Variants in PLD5 observed in about 807,000 individuals in gnomAD.
PLD5 encodes the protein inactive phospholipase D5.
PLD5 carries 36 observed loss-of-function variants against 61.1 expected under a neutral mutation model. The ratio of observed to expected loss-of-function variants is 0.59; its 90% CI spans 0.45 to 0.78. The LOEUF is 0.78. PLD5 is among the 30% of genes least tolerant of loss of function. PLD5 has a pLI of 0.00. For missense variants in PLD5, 515 were observed against 644.4 expected (o/e 0.80, Z 2.17); for synonymous variants, 243 against 242.8 (o/e 1.00, Z -0.01).
At chr1:242,495,740 T>C (rs1192638402) in intron 1 of PLD5, among the ~76,000 whole-genome samples, 1 of 152,204 alleles carries the variant, frequency 6.6e-6, no homozygotes, top group Non-Finnish European at 1.5e-5. Context: ...TAAAAATCAA[T>C]ACCACCTCAT....
At chr1:242,526,080 A>G (rs189436920), upstream of PLD5, among the ~76,000 whole-genome samples, 1 of 152,286 alleles carries the variant, frequency 6.6e-6, no homozygotes, top group Admixed American at 6.5e-5. Context: ...CAGAAATTAC[A>G]CTTCAAAACA....
intron 1 of PLD5, among the ~76,000 whole-genome samples, chr1:242,497,770 A>T (rs1668418560): frequency 6.6e-6 from 1 of 152,230 alleles, no homozygotes; most frequent in South Asian, 2.1e-4. Flanking sequence ...GTGTCTCTTC[A>T]TTCAAGAATC....
At position 242,137,432 on chromosome 1, in the gene PLD5, T is replaced by C. The variant is rs373369050; in HGVS notation, c.736-12767A>G. 5.9e-5 allele frequency among the ~76,000 whole-genome samples: 9 copies of C among 152,344 alleles called. No individual in the cohort carries two copies. The East Asian group carries it at 1.7e-3, about 29-fold the overall frequency. ...CTTGGTAAATTCTTTTTTCCTCCCA[T>C]GCTACTAGCTCCAGATAGTCGCTAC... On this transcript the variant is annotated intron_variant, in intron 5 of 9. Transcript: ENST00000536534.
intron 2 of PLD5, among the ~76,000 whole-genome samples, chr1:242,321,909 AT>A: frequency 6.6e-6 from 1 of 152,242 alleles, no homozygotes; most frequent in Middle Eastern, 3.4e-3. Context: ...TTGTGTAGGG[AT>A]TCTCTTTTTT....
intron 1 of PLD5, among the ~76,000 whole-genome samples, chr1:242,360,215 A>T (rs1475498435): frequency 6.6e-6 from 1 of 152,172 alleles, no homozygotes; most frequent in Non-Finnish European, 1.5e-5. Flanking sequence ...CCGGGGCCCT[A>T]AAGTATCATC....
At chr1:242,383,800 A>G (rs1339497252) in intron 1 of PLD5, among the ~76,000 whole-genome samples, 1 of 152,182 alleles carries the variant, frequency 6.6e-6, no homozygotes, top group South Asian at 2.1e-4. Flanking sequence ...CCTTTCAAAC[A>G]CAGCTCTGGA....
chr1:242,173,087 T>G (rs1339328298), intron 5 of PLD5, among the ~76,000 whole-genome samples: 1 of 152,118 alleles, frequency 6.6e-6, no homozygotes, highest in Non-Finnish European at 1.5e-5. Context: ...TAAAGGGTAT[T>G]CAATTAGGAA....
chr1:242,454,491 A>C (rs1666887008), intron 1 of PLD5, among the ~76,000 whole-genome samples: 1 of 152,174 alleles, frequency 6.6e-6, no homozygotes, highest in Non-Finnish European at 1.5e-5. Context: ...GAAAAAAATG[A>C]GGTCAAGGCA....
chr1:242,380,696 C>T (rs942531618), intron 1 of PLD5, among the ~76,000 whole-genome samples: 18 of 147,280 alleles, frequency 1.2e-4, no homozygotes, highest in Admixed American at 1.1e-3. Flanking sequence ...CTTAAATTTG[C>T]AAGAAAGAAG....
At chr1:242,277,138 C>G (rs1207408789) in intron 3 of PLD5, among the ~76,000 whole-genome samples, 1 of 152,168 alleles carries the variant, frequency 6.6e-6, no homozygotes, top group South Asian at 2.1e-4. Context: ...TATCTTGGTA[C>G]TGCCTTTCAG....
intron 1 of PLD5, among the ~76,000 whole-genome samples, chr1:242,379,461 G>C (rs1401614738): frequency 6.6e-6 from 1 of 152,078 alleles, no homozygotes. Context: ...TAACATATCA[G>C]ATCTAAGGAA....
chr1:242,323,199 G>A (rs1405323577), intron 2 of PLD5, among the ~76,000 whole-genome samples: 2 of 149,326 alleles, frequency 1.3e-5, no homozygotes, highest in Non-Finnish European at 2.9e-5. Flanking sequence ...ATAGAGACAA[G>A]GGGAAAAAAA....
intron 1 of PLD5, among the ~76,000 whole-genome samples, chr1:242,495,317 G>A (rs1184525321): frequency 3.3e-5 from 5 of 152,058 alleles, no homozygotes; most frequent in Non-Finnish European, 7.4e-5. Context: ...TTAGCTAGAC[G>A]GACACCACTT....
chr1:242,334,403 T>G (rs1428410840), intron 2 of PLD5, among the ~76,000 whole-genome samples: 2 of 152,178 alleles, frequency 1.3e-5, no homozygotes, highest in African/African-American at 4.8e-5. Context: ...GATGCTCATA[T>G]TATAAGGACA....
chr1:242,395,083 A>ATATATGAATGTATATG (rs1558528437), intron 1 of PLD5, among the ~76,000 whole-genome samples: 2 of 114,074 alleles, frequency 1.8e-5, no homozygotes, highest in African/African-American at 6.1e-5. Flanking sequence ...ATATATATGT[A>ATATATGAATGTATATG]TATATATGAA....
chr1:242,339,769 T>C (rs1217302737), intron 2 of PLD5, among the ~76,000 whole-genome samples: 1 of 152,130 alleles, frequency 6.6e-6, no homozygotes, highest in Non-Finnish European at 1.5e-5. Flanking sequence ...ATGAAGTCAC[T>C]TGGGGGATTC....
chr1:242,474,858 A>G (rs1667540380), intron 1 of PLD5, among the ~76,000 whole-genome samples: 2 of 152,146 alleles, frequency 1.3e-5, no homozygotes, highest in South Asian at 4.1e-4. Flanking sequence ...CCTGCTCCGT[A>G]TTGATTGCAC....
intron 4 of PLD5, among the ~76,000 whole-genome samples, chr1:242,238,454 G>A (rs906450322): frequency 3.3e-5 from 5 of 152,136 alleles, no homozygotes; most frequent in Non-Finnish European, 4.4e-5. Context: ...GCTAGCAGGC[G>A]GTCTAGCAGT....
chr1:242,315,236 C>T (rs1676936115), intron 2 of PLD5, among the ~76,000 whole-genome samples: 1 of 152,288 alleles, frequency 6.6e-6, no homozygotes, highest in South Asian at 2.1e-4. Flanking sequence ...AATTAATCAA[C>T]ACCAGATGAT....
Sources: gnomAD v4.1 joint callset for allele counts (sites outside exome capture counted in the v4.1 genomes callset) on GRCh38, gnomAD v4.1.1 for gene constraint, MANE v1.5 for transcripts, NCBI Gene and HGNC (gene_info 2026-07-23, HGNC 2026-07-21) for gene names.